DHX35: variants seen among roughly 807,000 people sequenced by gnomAD.
DHX35 encodes the protein DEAH-box helicase 35.
Under a neutral mutation model 99.6 loss-of-function variants are expected in DHX35, and 84 were observed. That is an observed-to-expected ratio of 0.84 (90% CI 0.71 to 1.01). The LOEUF (loss-of-function observed/expected upper bound fraction) is 1.01. Ranked by LOEUF, DHX35 falls within the 50% of genes least tolerant of loss-of-function variation. DHX35 has a pLI of 0.00. For synonymous variants in DHX35, 331 were observed against 316.2 expected, an observed-to-expected ratio of 1.05 and a Z score of -0.50; for missense variants, 852 against 888.5, an observed-to-expected ratio of 0.96 and a Z score of 0.52.
rs376231506 is a variant in DHX35 at position 39,009,158 on chromosome 20, G to GT, written c.1223-1121dup. On this transcript the variant is annotated intron_variant, in intron 12 of 21. Coordinates refer to ENST00000252011, the MANE Select transcript of DHX35 (RefSeq NM_021931.4). The stretch of plus-strand genomic sequence containing the variant: ...CTTTTCAGCAGGGTGGTCCTCTTAT[G>GT]TGTTAACTTTGTTTCTCCTTTGGTT... 1.3e-3 allele frequency among the ~76,000 whole-genome samples: 205 copies of GT among 152,248 alleles called. 1 individual carries two copies. Among genetic ancestry groups the GT allele is most frequent in the Non-Finnish European group, 2.1e-3 (143 of 68,024 alleles).
intron 20 of DHX35, among the ~76,000 whole-genome samples, chr20:39,031,077 G>C (rs2087042135): frequency 6.6e-6 from 1 of 151,946 alleles, no homozygotes; most frequent in Non-Finnish European, 1.5e-5. Flanking sequence ...CAGGAGAATT[G>C]CTTGAACCTG....
intron 18 of DHX35, among the ~76,000 whole-genome samples, chr20:39,026,518 T>G (rs1009458903): frequency 6.6e-6 from 1 of 152,212 alleles, no homozygotes; most frequent in Non-Finnish European, 1.5e-5. Flanking sequence ...GTAGATACTT[T>G]AGTAATCATA....
chr20:38,981,813 G>C (rs187222153), intron 3 of DHX35, among the ~76,000 whole-genome samples: 4 of 152,066 alleles, frequency 2.6e-5, no homozygotes, highest in Non-Finnish European at 4.4e-5. Flanking sequence ...GCATGGTGTT[G>C]CATACTTGTA....
chr20:39,003,677 T>G (rs1392268168), intron 10 of DHX35, 72 bp from the exon 11 acceptor site: 2 of 1,527,616 alleles, frequency 1.3e-6, no homozygotes, highest in Non-Finnish European at 1.8e-6. Context: ...ACTTTTATTT[T>G]CTTTCAGTAT....
intron 2 of DHX35, among the ~76,000 whole-genome samples, chr20:38,970,846 G>GAAAAAAAAAAAAA (rs201023264): frequency 7.4e-6 from 1 of 134,640 alleles, no homozygotes; most frequent in African/African-American, 2.8e-5. Flanking sequence ...AACAGCAAAT[G>GAAAAAAAAAAAAA]AAAAAAAAAA....
Position 39,021,041 on chromosome 20 carries a change from G to A in DHX35, c.1499-800G>A, listed in dbSNP as rs186320123. On this transcript the variant is annotated intron_variant, in intron 15 of 21. Transcript: ENST00000252011. The stretch of plus-strand genomic sequence containing the variant: ...AGGTAGTGGGGAGATGGGACGAGCA[G>A]TGTAGTGTACTCTGCCTTGTGCCCT... 1.8e-4 allele frequency among the ~76,000 whole-genome samples: 27 copies of A among 152,314 alleles called. No homozygotes were observed. The East Asian group carries it at 4.6e-3, about 26-fold the overall frequency.
At chr20:38,993,436 C>T (rs987472824) in intron 7 of DHX35, among the ~76,000 whole-genome samples, 4 of 152,090 alleles carry the variant, frequency 2.6e-5, no homozygotes, top group Admixed American at 2.0e-4. Context: ...CTTGGCTCAC[C>T]GCAACCTCTG....
intron 8 of DHX35, 27 bp from the exon 9 acceptor site, chr20:39,001,703 A>G: frequency 6.4e-7 from 1 of 1,553,506 alleles, no homozygotes; most frequent in Non-Finnish European, 8.8e-7. Context: ...TCTAAGAGAA[A>G]TGAAGAATTA....
chr20:39,014,439 C>G (rs1297023511), intron 13 of DHX35, among the ~76,000 whole-genome samples: 1 of 152,124 alleles, frequency 6.6e-6, no homozygotes, highest in African/African-American at 2.4e-5. Flanking sequence ...TGTTATTTAC[C>G]CACCACGGGG....
chr20:39,002,809 G>A lies in DHX35; in HGVS notation c.793G>A (p.Val265Met). 6.2e-7 allele frequency: 1 copy of A among 1,614,178 alleles called. No homozygotes were observed. Among genetic ancestry groups the A allele is most frequent in the Non-Finnish European group, 8.5e-7 (1 of 1,180,024 alleles). Residue 265 changes from valine to methionine, a missense_variant, in exon 10 of 22, where the codon GTG becomes ATG. Transcript: ENST00000252011. ...PDYIKSTVETVVKIHQTEGDG... is the reference protein window; with the variant it reads ...PDYIKSTVETMVKIHQTEGDG... ...TTATATCAAATCAACTGTCGAAACT[G>A]TGGTGAAAATTCACCAGACAGAGGG...
intron 21 of DHX35, among the ~76,000 whole-genome samples, chr20:39,035,887 G>A (rs1419729376): frequency 6.6e-6 from 1 of 152,198 alleles, no homozygotes; most frequent in South Asian, 2.1e-4. Context: ...CACCTTTATA[G>A]TTCTTCACAC....
At chr20:38,969,746 G>A (rs1363109958) in intron 2 of DHX35, among the ~76,000 whole-genome samples, 1 of 152,210 alleles carries the variant, frequency 6.6e-6, no homozygotes, top group East Asian at 1.9e-4. Flanking sequence ...CGAAACAGAT[G>A]TGTGCTCAGC....
At chr20:39,027,905 G>A (rs2086983698) in intron 18 of DHX35, among the ~76,000 whole-genome samples, 1 of 152,232 alleles carries the variant, frequency 6.6e-6, no homozygotes, top group African/African-American at 2.4e-5. Flanking sequence ...CATGGAAGAT[G>A]TTAGCTGTAG....
chr20:39,001,877 T>G, intron 9 of DHX35, 35 bp downstream of exon 9: 2 of 1,505,958 alleles, frequency 1.3e-6, no homozygotes, highest in Non-Finnish European at 1.8e-6. Flanking sequence ...TGATGGTGTT[T>G]AGAAAACTCA....
chr20:39,012,173 C>T (rs984308165), intron 13 of DHX35, among the ~76,000 whole-genome samples: 4 of 152,052 alleles, frequency 2.6e-5, no homozygotes, highest in Non-Finnish European at 2.9e-5. Flanking sequence ...CGCTTGAACC[C>T]GGGAGGTGGA....
At chr20:38,972,902 G>C (rs958923861) in intron 3 of DHX35, among the ~76,000 whole-genome samples, 52 of 152,186 alleles carry the variant, frequency 3.4e-4, no homozygotes, top group African/African-American at 1.2e-3. Context: ...AGTTACAATG[G>C]AGATTTATTC....
chr20:38,982,048 A>T (rs190904625), intron 3 of DHX35, among the ~76,000 whole-genome samples: 1 of 152,108 alleles, frequency 6.6e-6, no homozygotes, highest in East Asian at 1.9e-4. Flanking sequence ...AAATATATGT[A>T]TGAATATTAA....
intron 11 of DHX35, among the ~76,000 whole-genome samples, chr20:39,004,109 C>T (rs899728501): frequency 2.7e-4 from 41 of 152,100 alleles, no homozygotes; most frequent in Non-Finnish European, 5.4e-4. Context: ...GTTGCCCAGG[C>T]TGGAGTGCAG....
At chr20:39,001,180 C>T (rs938665741) in intron 8 of DHX35, among the ~76,000 whole-genome samples, 2 of 152,154 alleles carry the variant, frequency 1.3e-5, no homozygotes, top group South Asian at 2.1e-4. Flanking sequence ...TACAAAGCCT[C>T]GCACTCACTA....
Sources: gnomAD v4.1 joint callset for allele counts (sites outside exome capture counted in the v4.1 genomes callset) on GRCh38, gnomAD v4.1.1 for gene constraint, MANE v1.5 for transcripts, NCBI Gene and HGNC (gene_info 2026-07-23, HGNC 2026-07-21) for gene names.